The following NRXN3 variants were observed in gnomAD, a reference collection of about 807,000 sequenced individuals.
NRXN3 encodes neurexin 3, also known as neurexin III.
NRXN3 carries 32 observed loss-of-function variants against 137.6 expected under a neutral mutation model. The observed-to-expected ratio is 0.23, with a 90% CI of 0.18 to 0.31. The LOEUF (loss-of-function observed/expected upper bound fraction) is 0.31. Ranked by LOEUF, NRXN3 falls within the 10% of genes least tolerant of loss-of-function variation. The probability of loss-of-function intolerance (pLI) is 1.00; values close to 1 mark genes in which losing one functional copy is unlikely to be tolerated. For synonymous variants in NRXN3, 798 were observed against 784.5 expected (o/e 1.02, Z -0.29); for missense variants, 1,574 against 2,062.5 (o/e 0.76, Z 4.59).
chr14:79,051,654 C>G (rs1188656720), intron 15 of NRXN3, among the ~76,000 whole-genome samples: 1 of 152,162 alleles, frequency 6.6e-6, no homozygotes, highest in Admixed American at 6.5e-5. Flanking sequence ...TGGCATCAAA[C>G]TGATTTTAGA....
intron 7 of NRXN3, among the ~76,000 whole-genome samples, chr14:78,710,701 C>T (rs990909384): frequency 1.4e-4 from 22 of 152,202 alleles, no homozygotes; most frequent in African/African-American, 4.6e-4. Flanking sequence ...AAGGCTGAAA[C>T]TGGGAGTGAC....
At chr14:79,013,334 T>C (rs2099574209) in intron 15 of NRXN3, among the ~76,000 whole-genome samples, 1 of 152,194 alleles carries the variant, frequency 6.6e-6, no homozygotes, top group Admixed American at 6.5e-5. Flanking sequence ...TCTGGTTTTC[T>C]TTGTTGGAGT....
At position 79,670,450 on chromosome 14, in the gene NRXN3, C is replaced by T. The variant is rs117344784; in HGVS notation, c.3616+6501C>T. Reference sequence around the variant, plus strand: ...ACAACCTTGAGAAGGTTCCCGCTGTCGAGAAGTTTCTCTATGCTTTGATCT... The same window carrying T: ...ACAACCTTGAGAAGGTTCCCGCTGTTGAGAAGTTTCTCTATGCTTTGATCT... On this transcript the variant is annotated intron_variant, in intron 17 of 20. Transcript: ENST00000335750. Among the ~76,000 whole-genome samples, 431 of 152,118 alleles carry T rather than the reference C, an allele frequency of 2.8e-3. 6 individuals are homozygous for T. The South Asian group carries it at 0.041, about 14-fold the overall frequency.
intron 15 of NRXN3, among the ~76,000 whole-genome samples, chr14:79,338,368 A>G (rs2092406804): frequency 6.6e-6 from 1 of 152,172 alleles, no homozygotes; most frequent in South Asian, 2.1e-4. Flanking sequence ...GGCAGCCTTC[A>G]GGGTTTTCAA....
chr14:78,309,611 T>G (rs138360976), intron 4 of NRXN3, among the ~76,000 whole-genome samples: 238 of 152,240 alleles, frequency 1.6e-3, no homozygotes, highest in African/African-American at 5.5e-3. Context: ...GTTTATTGAC[T>G]GTGGGACTTC....
chr14:78,893,771 G>T (rs2099165954), intron 10 of NRXN3, among the ~76,000 whole-genome samples: 3 of 151,872 alleles, frequency 2.0e-5, no homozygotes. Context: ...ATTCAGTCTA[G>T]TATAAAGTGT....
chr14:78,391,752 T>C (rs2090807680), intron 4 of NRXN3, among the ~76,000 whole-genome samples: 1 of 152,204 alleles, frequency 6.6e-6, no homozygotes, highest in Admixed American at 6.5e-5. Context: ...ATTTTAAAAG[T>C]CATATATATT....
At chr14:78,949,047 A>G (rs1483128849) in intron 10 of NRXN3, among the ~76,000 whole-genome samples, 2 of 152,238 alleles carry the variant, frequency 1.3e-5, no homozygotes, top group African/African-American at 4.8e-5. Flanking sequence ...ATGCAAAGCA[A>G]CTGGTACTTC....
chr14:78,435,230 A>G (rs974792216), intron 4 of NRXN3, among the ~76,000 whole-genome samples: 2 of 152,172 alleles, frequency 1.3e-5, no homozygotes, highest in Non-Finnish European at 2.9e-5. Context: ...TAAAAATTTT[A>G]TGTGATTGTT....
chr14:79,424,818 A>G (rs1283735456), intron 15 of NRXN3, among the ~76,000 whole-genome samples: 3 of 152,162 alleles, frequency 2.0e-5, no homozygotes, highest in Non-Finnish European at 4.4e-5. Context: ...TGCAGGCGAT[A>G]CTTTGCTTTT....
rs1052689272 is a variant in NRXN3, at chr14:79,192,616, C to T, written c.3262+204475C>T. ...TTCACTTCCATAGTTCTCAGAATTA[C>T]CATGTAGATATCAAAAGGTCTCTTC... is the stretch of plus-strand genomic sequence containing the variant. On this transcript the variant is annotated intron_variant, in intron 15 of 20. Coordinates refer to ENST00000335750, the MANE Select transcript of NRXN3 (RefSeq NM_001330195.2). Among the ~76,000 whole-genome samples the T allele has an allele frequency of 3.3e-5, 5 of 152,200 alleles. No individual in the cohort carries two copies. In the East Asian group the frequency reaches 9.7e-4, roughly 29 times the overall value.
At chr14:78,603,076 A>G (rs952870460) in intron 4 of NRXN3, among the ~76,000 whole-genome samples, 9 of 152,052 alleles carry the variant, frequency 5.9e-5, no homozygotes, top group Non-Finnish European at 1.2e-4. Flanking sequence ...GAGGTAGTAG[A>G]CAGTGGAGCT....
intron 19 of NRXN3, among the ~76,000 whole-genome samples, chr14:79,767,292 C>A (rs1366546108): frequency 1.3e-5 from 2 of 152,198 alleles, no homozygotes; most frequent in Non-Finnish European, 2.9e-5. Context: ...ATGTTGCTGC[C>A]TTCCAACAAA....
intron 16 of NRXN3, among the ~76,000 whole-genome samples, chr14:79,649,524 A>G (rs1034477869): frequency 2.6e-5 from 4 of 152,022 alleles, no homozygotes; most frequent in Non-Finnish European, 5.9e-5. Context: ...TGGGTAAGAG[A>G]GAAGATATTC....
chr14:78,853,562 TTTA>T (rs1263937054), intron 10 of NRXN3, among the ~76,000 whole-genome samples: 11 of 152,138 alleles, frequency 7.2e-5, no homozygotes, highest in Admixed American at 7.2e-4. Flanking sequence ...AGTTAAAAAT[TTTA>T]TTACTATAAT....
chr14:79,629,844 C>T (rs201084849), intron 16 of NRXN3, among the ~76,000 whole-genome samples: 5 of 113,414 alleles, frequency 4.4e-5, no homozygotes, highest in South Asian at 2.6e-4. Context: ...TGTGTGTGTG[C>T]GTGTGTGTGT....
chr14:78,328,476 C>T (rs1027616231), intron 4 of NRXN3, among the ~76,000 whole-genome samples: 5 of 152,050 alleles, frequency 3.3e-5, no homozygotes, highest in African/African-American at 1.2e-4. Flanking sequence ...ATAATTATTC[C>T]ATGTAATAGA....
intron 4 of NRXN3, among the ~76,000 whole-genome samples, chr14:78,330,635 G>A (rs2080702785): frequency 6.6e-6 from 1 of 152,078 alleles, no homozygotes; most frequent in Non-Finnish European, 1.5e-5. Flanking sequence ...GTATGCCATA[G>A]TGCTGAAAGC....
At chr14:78,224,786 G>C (rs1191151923) in intron 1 of NRXN3, among the ~76,000 whole-genome samples, 1 of 117,264 alleles carries the variant, frequency 8.5e-6, no homozygotes, top group Non-Finnish European at 1.7e-5. Flanking sequence ...TTGAGACGGA[G>C]TCTCGCTCTG....
Sources: allele counts gnomAD v4.1 joint callset (sites outside exome capture counted in the v4.1 genomes callset), GRCh38; gene constraint gnomAD v4.1.1; transcripts MANE v1.5; gene names NCBI Gene and HGNC (gene_info 2026-07-23, HGNC 2026-07-21).